Variants in SLC10A7 observed in about 807,000 individuals in gnomAD.
The protein encoded by SLC10A7 is solute carrier family 10 member 7.
Under a neutral mutation model 43.2 loss-of-function variants are expected in SLC10A7, and 29 were observed. The observed-to-expected ratio is 0.67, with a 90% CI of 0.50 to 0.92. SLC10A7 has a LOEUF of 0.92. Among genes scored for constraint, SLC10A7 ranks in the 40% least tolerant of loss-of-function variants. The probability of loss-of-function intolerance (pLI) is 0.00; values close to 1 mark genes in which losing one functional copy is unlikely to be tolerated. For synonymous variants in SLC10A7, 152 were observed against 144.8 expected (o/e 1.05, Z -0.35); for missense variants, 295 against 403.2 (o/e 0.73, Z 2.30).
chr4:146,338,372 T>C (rs1016876246), intron 5 of SLC10A7, among the ~76,000 whole-genome samples: 2 of 151,918 alleles, frequency 1.3e-5, no homozygotes, highest in African/African-American at 4.8e-5. Context: ...ACTACAATTC[T>C]CATTTTACAG....
At chr4:146,506,061 A>G (rs1218548101) in intron 3 of SLC10A7, among the ~76,000 whole-genome samples, 1 of 152,152 alleles carries the variant, frequency 6.6e-6, no homozygotes, top group Non-Finnish European at 1.5e-5. Flanking sequence ...ATACTAGGAC[A>G]GATCCTCTCA....
At chr4:146,325,569 G>A (rs6844812) in intron 6 of SLC10A7, among the ~76,000 whole-genome samples, 73,209 of 151,916 alleles carry the variant, frequency 0.48, 17,999 homozygotes, top group East Asian at 0.62. Context: ...ATCAGCCTTG[G>A]AACCCAAGCT....
At chr4:146,349,201 A>G (rs973612619) in intron 5 of SLC10A7, among the ~76,000 whole-genome samples, 1 of 152,166 alleles carries the variant, frequency 6.6e-6, no homozygotes, top group African/African-American at 2.4e-5. Flanking sequence ...ACTATAGTCC[A>G]TTAAACAGAC....
intron 5 of SLC10A7, among the ~76,000 whole-genome samples, chr4:146,372,210 C>G (rs891781483): frequency 6.6e-6 from 1 of 151,932 alleles, no homozygotes; most frequent in South Asian, 2.1e-4. Context: ...TTCTAGCACT[C>G]TGGGAGGCTG....
chr4:146,376,303 G>A (rs1262910037), intron 5 of SLC10A7, among the ~76,000 whole-genome samples: 1 of 152,130 alleles, frequency 6.6e-6, no homozygotes, highest in Non-Finnish European at 1.5e-5. Flanking sequence ...ATAGGAGGAG[G>A]GGAAATACTG....
intron 9 of SLC10A7, 127 bp downstream of exon 9, chr4:146,292,801 AG>A (rs1730528185): frequency 1.6e-6 from 1 of 616,340 alleles, no homozygotes; most frequent in Non-Finnish European, 2.8e-6. Flanking sequence ...CAGAATGGTC[AG>A]GGAGACAGGA....
chr4:146,313,091 T>C (rs1732088680), intron 6 of SLC10A7, among the ~76,000 whole-genome samples: 1 of 152,186 alleles, frequency 6.6e-6, no homozygotes, highest in Non-Finnish European at 1.5e-5. Context: ...ATGATTAAGT[T>C]CCTTCAGCTT....
intron 7 of SLC10A7, among the ~76,000 whole-genome samples, chr4:146,304,270 A>T (rs1560780426): frequency 6.6e-6 from 1 of 151,472 alleles, no homozygotes; most frequent in Non-Finnish European, 1.5e-5. Context: ...CTGCTGTTGG[A>T]GGAGTCTATA....
chr4:146,505,734 C>A (rs75065795), intron 3 of SLC10A7, among the ~76,000 whole-genome samples: 2,006 of 152,236 alleles, frequency 0.013, 40 homozygotes, highest in African/African-American at 0.042. Flanking sequence ...CTACTAGAGT[C>A]GTCTGTCCTA....
chr4:146,403,854 T>C (rs1739386787), intron 5 of SLC10A7, among the ~76,000 whole-genome samples: 4 of 152,136 alleles, frequency 2.6e-5, no homozygotes, highest in Admixed American at 2.0e-4. Flanking sequence ...AGAATAGCTA[T>C]TGTGAGGAAA....
intron 10 of SLC10A7, among the ~76,000 whole-genome samples, chr4:146,274,120 TA>T (rs1394882188): frequency 1.3e-5 from 2 of 152,008 alleles, no homozygotes; most frequent in Non-Finnish European, 2.9e-5. Context: ...GACATGATCT[TA>T]AAGAAAGCAA....
chr4:146,500,762 C>G (rs1345835465), intron 4 of SLC10A7, among the ~76,000 whole-genome samples: 1 of 152,122 alleles, frequency 6.6e-6, no homozygotes, highest in Non-Finnish European at 1.5e-5. Context: ...AAACAGTTGT[C>G]TCTACTTCTA....
chr4:146,287,347 A>G (rs1481763891), intron 9 of SLC10A7, among the ~76,000 whole-genome samples: 2 of 152,218 alleles, frequency 1.3e-5, no homozygotes, highest in Admixed American at 6.5e-5. Flanking sequence ...TACCTGATGA[A>G]CATAGGTCCC....
chr4:146,418,404 C>T (rs180855431), intron 5 of SLC10A7, among the ~76,000 whole-genome samples: 1 of 152,194 alleles, frequency 6.6e-6, no homozygotes, highest in Admixed American at 6.5e-5. Flanking sequence ...GATGTTTACT[C>T]TTCATGAATA....
intron 10 of SLC10A7, among the ~76,000 whole-genome samples, chr4:146,262,091 T>G (rs957117750): frequency 6.6e-6 from 1 of 152,224 alleles, no homozygotes. Context: ...TCTACTTTCC[T>G]TTTCAATTAT....
At chr4:146,323,931 C>A (rs1446808976) in intron 6 of SLC10A7, among the ~76,000 whole-genome samples, 2 of 152,306 alleles carry the variant, frequency 1.3e-5, no homozygotes, top group Non-Finnish European at 1.5e-5. Context: ...ACCCCATCAT[C>A]TGAGCCCAAA....
intron 4 of SLC10A7, among the ~76,000 whole-genome samples, chr4:146,473,412 C>T (rs3914626): frequency 0.78 from 118,202 of 151,610 alleles, 46,405 homozygotes; most frequent in East Asian, 0.95. Flanking sequence ...TTCCAAGCTA[C>T]AATATATATC....
intron 4 of SLC10A7, among the ~76,000 whole-genome samples, chr4:146,444,361 C>A (rs1379483881): frequency 1.3e-5 from 2 of 152,138 alleles, no homozygotes; most frequent in Non-Finnish European, 2.9e-5. Flanking sequence ...TCTTTCAAGT[C>A]CCTTTCACTA....
intron 5 of SLC10A7, among the ~76,000 whole-genome samples, chr4:146,394,553 G>A (rs1342790341): frequency 1.3e-5 from 2 of 152,044 alleles, no homozygotes; most frequent in East Asian, 1.9e-4. Flanking sequence ...GTAGAGATGG[G>A]GTTTTGCCAT....
Sources: gnomAD v4.1 joint callset for allele counts (sites outside exome capture counted in the v4.1 genomes callset) on GRCh38, gnomAD v4.1.1 for gene constraint, MANE v1.5 for transcripts, NCBI Gene and HGNC (gene_info 2026-07-23, HGNC 2026-07-21) for gene names.